The following GLG1 variants were observed in gnomAD, a reference collection of about 807,000 sequenced individuals.
GLG1 encodes Golgi apparatus protein 1.
A neutral mutation model predicts 160.5 loss-of-function variants in GLG1; 38 were observed. That is an observed-to-expected ratio of 0.24 (90% CI 0.18 to 0.31). The LOEUF is 0.31. Ranked by LOEUF, GLG1 falls within the 10% of genes least tolerant of loss-of-function variation. The pLI is 1.00. For missense variants in GLG1, 1,373 were observed against 1,505.2 expected, an observed-to-expected ratio of 0.91 and a Z score of 1.45; for synonymous variants, 644 against 543.4, an observed-to-expected ratio of 1.19 and a Z score of -2.57.
At position 74,501,838 on chromosome 16, in the gene GLG1, G is replaced by C. The variant is rs542789947; in HGVS notation, c.774+1693C>G. On this transcript the variant is annotated intron_variant, in intron 4 of 25. Transcript: ENST00000422840. ...TTGTGTCATTTTGAGAGTCTGCTGG[G>C]AAGGAAAACACTGCGTTCTTTATTA... 6.6e-5 allele frequency among the ~76,000 whole-genome samples: 10 copies of C among 152,318 alleles called. No individual in the cohort carries two copies. The South Asian group carries it at 2.1e-3, about 32-fold the overall frequency.
chr16:74,538,728 A>AG (rs1491573099), intron 1 of GLG1, among the ~76,000 whole-genome samples: 1 of 131,174 alleles, frequency 7.6e-6, no homozygotes, highest in Non-Finnish European at 1.6e-5. Context: ...AGATTTTGAG[A>AG]TTTTTTTTTT....
chr16:74,575,769 G>A (rs2018984696), intron 1 of GLG1, among the ~76,000 whole-genome samples: 1 of 152,156 alleles, frequency 6.6e-6, no homozygotes, highest in Non-Finnish European at 1.5e-5. Context: ...AGATATCAAT[G>A]AGAAAATATT....
At chr16:74,539,842 C>G (rs957283529) in intron 1 of GLG1, among the ~76,000 whole-genome samples, 14 of 146,630 alleles carry the variant, frequency 9.5e-5, no homozygotes, top group Non-Finnish European at 1.6e-4. Flanking sequence ...TAAGAAAACT[C>G]TAACACTAGT....
At chr16:74,561,334 G>A (rs1009452877) in intron 1 of GLG1, among the ~76,000 whole-genome samples, 4 of 152,158 alleles carry the variant, frequency 2.6e-5, no homozygotes, top group Admixed American at 2.0e-4. Flanking sequence ...ACAGTTAATT[G>A]CTTTATACGG....
chr16:74,565,085 T>C (rs1170729426), intron 1 of GLG1, among the ~76,000 whole-genome samples: 2 of 152,182 alleles, frequency 1.3e-5, no homozygotes, highest in Admixed American at 1.3e-4. Flanking sequence ...ATGCCTGTAA[T>C]CCCAACACTT....
chr16:74,581,199 C>T (rs1204790873), intron 1 of GLG1, among the ~76,000 whole-genome samples: 1 of 152,174 alleles, frequency 6.6e-6, no homozygotes, highest in African/African-American at 2.4e-5. Flanking sequence ...TACCCACATT[C>T]ACAGCAGCAT....
At chr16:74,520,265 T>C (rs1158196573) in intron 2 of GLG1, among the ~76,000 whole-genome samples, 1 of 152,196 alleles carries the variant, frequency 6.6e-6, no homozygotes, top group Non-Finnish European at 1.5e-5. Flanking sequence ...GCTGATTCAT[T>C]AGTCACTGGG....
chr16:74,473,900 C>A (rs566149102), intron 13 of GLG1, among the ~76,000 whole-genome samples: 1 of 152,070 alleles, frequency 6.6e-6, no homozygotes, highest in Non-Finnish European at 1.5e-5. Flanking sequence ...GATGAGAGAA[C>A]GGGAATGTGT....
chr16:74,471,058 G>GA (rs934713369), intron 15 of GLG1, 115 bp downstream of exon 15: 17 of 722,542 alleles, frequency 2.4e-5, no homozygotes, highest in Admixed American at 7.9e-5. Context: ...CGCCTGGCTG[G>GA]AAAAAAATGA....
chr16:74,586,180 G>C (rs1034075576), intron 1 of GLG1, among the ~76,000 whole-genome samples: 25 of 151,834 alleles, frequency 1.6e-4, no homozygotes, highest in Admixed American at 1.5e-3. Context: ...CAAAAACAAA[G>C]GCAAGGCCCT....
intron 14 of GLG1, among the ~76,000 whole-genome samples, chr16:74,472,090 G>C (rs1247022439): frequency 2.6e-5 from 4 of 152,078 alleles, no homozygotes; most frequent in Non-Finnish European, 5.9e-5. Flanking sequence ...ATTTTTTGTA[G>C]AGACAGAGTT....
intron 9 of GLG1, 30 bp from the exon 10 acceptor site, chr16:74,483,154 A>G (rs2015667262): frequency 7.8e-7 from 1 of 1,288,126 alleles, no homozygotes; most frequent in Non-Finnish European, 1.1e-6. Flanking sequence ...AATTGTAACA[A>G]GAGAGAAGTG....
chr16:74,518,347 C>A (rs1280344170), intron 2 of GLG1, among the ~76,000 whole-genome samples: 1 of 152,150 alleles, frequency 6.6e-6, no homozygotes, highest in Non-Finnish European at 1.5e-5. Flanking sequence ...GGTACCAAAA[C>A]AGATATACAG....
At chr16:74,468,880 C>A in intron 17 of GLG1, 66 bp downstream of exon 17, 1 of 988,942 alleles carries the variant, frequency 1.0e-6, no homozygotes, top group Non-Finnish European at 1.6e-6. Context: ...CTTGCCCTAG[C>A]CTCTCCCCAG....
In GLG1 at chr16:74,494,895, C is replaced by T. The variant is rs924656133; in HGVS notation, c.979-64G>A. ...AAATAGTTATGCTGAACATTATCCA[C>T]AATCTCATATAGAGCTTTCTATTAA... On this transcript the variant is annotated intron_variant, in intron 5 of 25. Transcript: ENST00000422840. The T allele has an allele frequency of 8.5e-6, 7 of 818,932 alleles. No individual in the cohort carries two copies. The Admixed American group carries it at 8.7e-5, about 10-fold the overall frequency. The allele number at this position is 818,932 out of a possible 1,614,324, so 50.7% of individuals were successfully genotyped here.
intron 1 of GLG1, among the ~76,000 whole-genome samples, chr16:74,591,453 C>T (rs904583872): frequency 4.6e-5 from 7 of 151,994 alleles, no homozygotes; most frequent in Non-Finnish European, 7.4e-5. Flanking sequence ...ACGGTGAAAT[C>T]CCATCTCTAC....
intron 2 of GLG1, among the ~76,000 whole-genome samples, chr16:74,516,095 C>G (rs2016969285): frequency 2.0e-5 from 3 of 151,610 alleles, no homozygotes; most frequent in Admixed American, 6.6e-5. Context: ...GACTCTCACA[C>G]AATAATAATG....
At chr16:74,526,921 G>A (rs1017424705) in intron 2 of GLG1, among the ~76,000 whole-genome samples, 6 of 152,098 alleles carry the variant, frequency 3.9e-5, no homozygotes, top group African/African-American at 1.2e-4. Flanking sequence ...GTCGCTACAC[G>A]CAAATTTGCT....
chr16:74,592,959 C>CT (rs2143870845), intron 1 of GLG1, among the ~76,000 whole-genome samples: 1 of 152,174 alleles, frequency 6.6e-6, no homozygotes, highest in East Asian at 1.9e-4. Context: ...GATTAATGCC[C>CT]TTATCTCCGT....
Sources: gnomAD v4.1 joint callset for allele counts (sites outside exome capture counted in the v4.1 genomes callset) on GRCh38, gnomAD v4.1.1 for gene constraint, MANE v1.5 for transcripts, NCBI Gene and HGNC (gene_info 2026-07-23, HGNC 2026-07-21) for gene names.